Variants in ADGRL3 observed in about 807,000 individuals in gnomAD.
The protein encoded by ADGRL3 is adhesion G protein-coupled receptor L3.
In ADGRL3, 62 loss-of-function variants were observed where a neutral mutation model predicts 153.5. That is an observed-to-expected ratio of 0.40 (90% confidence interval 0.33 to 0.50). The LOEUF (loss-of-function observed/expected upper bound fraction) is 0.50. ADGRL3 is among the 20% of genes least tolerant of loss of function. The pLI, the probability that ADGRL3 is intolerant of heterozygous loss-of-function variation, is 0.47. For synonymous variants in ADGRL3, 710 were observed against 672.5 expected, an observed-to-expected ratio of 1.06 and a Z score of -0.86; for missense variants, 1,641 against 1,859.4, an observed-to-expected ratio of 0.88 and a Z score of 2.16.
intron 1 of ADGRL3, among the ~76,000 whole-genome samples, chr4:61,349,100 G>A (rs1221995082): frequency 1.3e-5 from 2 of 151,934 alleles, no homozygotes; most frequent in Admixed American, 6.6e-5. Flanking sequence ...TTAAGAACCA[G>A]CTATTGTTGA....
At chr4:61,676,293 T>C (rs2150897389) in intron 5 of ADGRL3, among the ~76,000 whole-genome samples, 1 of 152,114 alleles carries the variant, frequency 6.6e-6, no homozygotes, top group African/African-American at 2.4e-5. Context: ...TTTTACAAAA[T>C]AAATTCAAAT....
intron 5 of ADGRL3, among the ~76,000 whole-genome samples, chr4:61,609,551 G>A (rs1393163218): frequency 3.3e-5 from 5 of 152,022 alleles, no homozygotes; most frequent in African/African-American, 1.2e-4. Flanking sequence ...TAATTTTAAA[G>A]TATTTCATGT....
chr4:61,904,174 C>T (rs1328956161), intron 11 of ADGRL3, among the ~76,000 whole-genome samples: 1 of 54,800 alleles, frequency 1.8e-5, no homozygotes, highest in Admixed American at 2.5e-4. Context: ...GTTTATTGTT[C>T]ATTAAAAAAA....
At chr4:61,856,947 C>CTT (rs1561367687) in intron 9 of ADGRL3, among the ~76,000 whole-genome samples, 24 of 77,954 alleles carry the variant, frequency 3.1e-4, no homozygotes, top group African/African-American at 6.5e-4. Flanking sequence ...CCTCTTTCTT[C>CTT]TTCTCTTTCT....
chr4:61,995,994 TTTTC>T (rs1036938257), intron 19 of ADGRL3, among the ~76,000 whole-genome samples: 4 of 152,078 alleles, frequency 2.6e-5, no homozygotes, highest in East Asian at 1.9e-4. Flanking sequence ...GTGTATGGCT[TTTTC>T]TTTCTTTATC....
At chr4:61,847,696 A>T (rs1481234840) in intron 9 of ADGRL3, among the ~76,000 whole-genome samples, 12 of 47,490 alleles carry the variant, frequency 2.5e-4, no homozygotes, top group Non-Finnish European at 4.2e-4. Context: ...ATATAATATA[A>T]AATATATTAT....
At chr4:61,627,794 A>T (rs1181795790) in intron 5 of ADGRL3, among the ~76,000 whole-genome samples, 1 of 152,126 alleles carries the variant, frequency 6.6e-6, no homozygotes, top group African/African-American at 2.4e-5. Context: ...ATATTGCCTT[A>T]ATTTCCCAAT....
chr4:61,772,789 T>G (rs2097101638), intron 8 of ADGRL3, among the ~76,000 whole-genome samples: 2 of 152,186 alleles, frequency 1.3e-5, no homozygotes, highest in Admixed American at 1.3e-4. Flanking sequence ...CCTCCTGCAT[T>G]TGCCATTTCT....
At chr4:61,878,612 T>C (rs1003838677) in intron 9 of ADGRL3, among the ~76,000 whole-genome samples, 2 of 152,142 alleles carry the variant, frequency 1.3e-5, no homozygotes, top group African/African-American at 4.8e-5. Context: ...ATGATCACAT[T>C]TGTGAGTCCC....
chr4:61,259,463 T>G (rs559652160), intron 1 of ADGRL3, among the ~76,000 whole-genome samples: 1 of 137,780 alleles, frequency 7.3e-6, no homozygotes, highest in African/African-American at 2.7e-5. Context: ...AATAAATAAA[T>G]AAATAAGGCA....
intron 2 of ADGRL3, among the ~76,000 whole-genome samples, chr4:61,424,931 A>G (rs779040071): frequency 6.6e-6 from 1 of 152,134 alleles, no homozygotes; most frequent in Non-Finnish European, 1.5e-5. Context: ...CATCTAGGCA[A>G]TGTGGGAAGC....
Position 61,285,114 on chromosome 4 carries a change from A to T in ADGRL3, c.-240+83349A>T, listed in dbSNP as rs1014549409. Among the ~76,000 whole-genome samples, 7 of 151,790 alleles carry T rather than the reference A, an allele frequency of 4.6e-5. No individual in the cohort carries two copies. The Admixed American group carries it at 4.6e-4, about 10-fold the overall frequency. ...ATCTGTAGAGAAAGAAAAAAATACG[A>T]CCCTGGCTTTATTTTGAATAATGCT... On this transcript the variant is annotated intron_variant, in intron 1 of 26. Coordinates refer to ENST00000683033, the MANE Select transcript of ADGRL3 (RefSeq NM_001387552.1).
intron 5 of ADGRL3, among the ~76,000 whole-genome samples, chr4:61,605,050 A>C (rs1272458650): frequency 7.8e-6 from 1 of 128,324 alleles, no homozygotes; most frequent in Non-Finnish European, 1.6e-5. Flanking sequence ...AGATCATGCC[A>C]TTGCACTTCA....
chr4:61,225,261 T>TA (rs1747421309), intron 1 of ADGRL3, among the ~76,000 whole-genome samples: 1 of 152,196 alleles, frequency 6.6e-6, no homozygotes, highest in Non-Finnish European at 1.5e-5. Context: ...ATCCTGTTGT[T>TA]ACCTATGCCG....
At chr4:61,869,226 G>A (rs1701432553) in intron 9 of ADGRL3, among the ~76,000 whole-genome samples, 1 of 151,794 alleles carries the variant, frequency 6.6e-6, no homozygotes, top group Non-Finnish European at 1.5e-5. Flanking sequence ...TTATAGGTGT[G>A]AGCCACCATG....
At chr4:62,013,290 T>C (rs2099195212) in intron 21 of ADGRL3, among the ~76,000 whole-genome samples, 1 of 152,072 alleles carries the variant, frequency 6.6e-6, no homozygotes, top group African/African-American at 2.4e-5. Context: ...TTCCCAGCAC[T>C]TTGGGAGGCC....
chr4:62,060,792 T>G (rs1309413289), intron 25 of ADGRL3, among the ~76,000 whole-genome samples: 1 of 152,034 alleles, frequency 6.6e-6, no homozygotes, highest in African/African-American at 2.4e-5. Context: ...ATTTGATTCA[T>G]TAATGGAAAA....
chr4:62,050,254 A>T (rs1376575878), intron 25 of ADGRL3, among the ~76,000 whole-genome samples: 1 of 152,128 alleles, frequency 6.6e-6, no homozygotes, highest in African/African-American at 2.4e-5. Context: ...CTTTTGATTT[A>T]TAACCATGTT....
Position 62,076,271 on chromosome 4 carries a change from A to T in ADGRL3, c.*5363A>T, listed in dbSNP as rs1413511181. The T allele has an allele frequency of 2.0e-5, 3 of 152,064 alleles. No homozygotes were observed. The highest frequency in any genetic ancestry group is 2.0e-4 in the Admixed American group (3 of 15,240). 9.4% of individuals were successfully genotyped at this position (152,064 alleles called of 1,614,324 possible). A position where few individuals can be genotyped will look rare whatever the true frequency, so the allele number is the denominator to read the frequency against. Reference sequence around the variant, plus strand: ...TTTTGATGTTTCTTTTTCTCTTAATAGTATGTCAAAAGCATTGTTCTCATT... The same window carrying T: ...TTTTGATGTTTCTTTTTCTCTTAATTGTATGTCAAAAGCATTGTTCTCATT... On this transcript the variant is annotated 3_prime_UTR_variant, in exon 27 of 27. Coordinates refer to ENST00000683033, the MANE Select transcript of ADGRL3 (RefSeq NM_001387552.1).
Sources: allele counts gnomAD v4.1 joint callset (sites outside exome capture counted in the v4.1 genomes callset), GRCh38; gene constraint gnomAD v4.1.1; transcripts MANE v1.5; gene names NCBI Gene and HGNC (gene_info 2026-07-23, HGNC 2026-07-21).